ROR1: variants seen among roughly 807,000 people sequenced by gnomAD.
ROR1 encodes inactive tyrosine-protein kinase transmembrane receptor ROR1.
ROR1 carries 19 observed loss-of-function variants against 78.8 expected under a neutral mutation model. The ratio of observed to expected loss-of-function variants is 0.24; its 90% CI spans 0.17 to 0.35. ROR1 has a LOEUF of 0.35. ROR1 is among the 10% of genes least tolerant of loss of function. The pLI is 1.00. For missense variants in ROR1, 917 were observed against 1,177.8 expected (o/e 0.78, Z 3.24); for synonymous variants, 386 against 433.6 (o/e 0.89, Z 1.36).
At chr1:63,921,523 T>TTAAAC (rs1645654141) in intron 1 of ROR1, among the ~76,000 whole-genome samples, 4 of 151,476 alleles carry the variant, frequency 2.6e-5, no homozygotes, top group African/African-American at 9.8e-5. Context: ...ATCATTATGG[T>TTAAAC]TGTTGTCGCT....
chr1:64,160,377 T>C (rs1037173950), intron 8 of ROR1, among the ~76,000 whole-genome samples: 5 of 152,098 alleles, frequency 3.3e-5, no homozygotes, highest in East Asian at 1.9e-4. Context: ...GGATTTGGAA[T>C]TCCTTAAATG....
chr1:64,073,196 G>A (rs1158677958), intron 4 of ROR1, among the ~76,000 whole-genome samples: 2 of 152,148 alleles, frequency 1.3e-5, no homozygotes, highest in Non-Finnish European at 2.9e-5. Flanking sequence ...TTTGTAAGGT[G>A]TGTGAAGGTA....
At chr1:64,044,457 C>T (rs1646768727) in intron 2 of ROR1, among the ~76,000 whole-genome samples, 1 of 152,108 alleles carries the variant, frequency 6.6e-6, no homozygotes, top group Non-Finnish European at 1.5e-5. Flanking sequence ...CTGTACATTC[C>T]ACTGCCATAT....
intron 1 of ROR1, among the ~76,000 whole-genome samples, chr1:63,993,519 G>A (rs575360890): frequency 2.4e-4 from 36 of 152,272 alleles, no homozygotes; most frequent in African/African-American, 8.4e-4. Flanking sequence ...ACATGTAAGA[G>A]TATGCATACA....
chr1:64,034,014 T>A lies in ROR1; in HGVS notation c.164-15677T>A, dbSNP rs528259706. The stretch of plus-strand genomic sequence containing the variant: ...ATTCACTGTTATCTCTAAATGTTAG[T>A]TACGTCATTCAGGCAGCTGGAGCAG... On this transcript the variant is annotated intron_variant, in intron 2 of 8. Transcript: ENST00000371079. 3.5e-4 allele frequency among the ~76,000 whole-genome samples: 53 copies of A among 152,280 alleles called. 1 individual carries two copies. In the South Asian group the frequency reaches 0.011, roughly 31 times the overall value.
At chr1:63,879,092 C>G (rs1328624066) in intron 1 of ROR1, among the ~76,000 whole-genome samples, 1 of 152,048 alleles carries the variant, frequency 6.6e-6, no homozygotes, top group African/African-American at 2.4e-5. Context: ...TGAGTCAGAT[C>G]TTACAGCTGA....
intron 1 of ROR1, among the ~76,000 whole-genome samples, chr1:64,004,508 A>G (rs1288525472): frequency 1.3e-5 from 2 of 152,224 alleles, no homozygotes; most frequent in Admixed American, 1.3e-4. Flanking sequence ...CAAGAAAGGC[A>G]GTGGGGTAGC....
intron 1 of ROR1, among the ~76,000 whole-genome samples, chr1:63,874,142 G>A (rs543496793): frequency 1.3e-5 from 2 of 152,294 alleles, no homozygotes; most frequent in South Asian, 4.1e-4. Flanking sequence ...ATAAATTAAT[G>A]AGAGAGGAAC....
chr1:64,120,937 A>T (rs1180545584), intron 4 of ROR1, among the ~76,000 whole-genome samples: 1 of 151,994 alleles, frequency 6.6e-6, no homozygotes, highest in Non-Finnish European at 1.5e-5. Flanking sequence ...CAGTGTTCAC[A>T]TTAACATCCA....
chr1:64,162,382 C>T (rs1370721556), intron 8 of ROR1, among the ~76,000 whole-genome samples: 2 of 152,204 alleles, frequency 1.3e-5, no homozygotes, highest in Non-Finnish European at 2.9e-5. Context: ...TGCCGACAGA[C>T]TGGCTGACGA....
At chr1:63,974,454 T>C (rs1426112024) in intron 1 of ROR1, among the ~76,000 whole-genome samples, 2 of 152,198 alleles carry the variant, frequency 1.3e-5, no homozygotes, top group Non-Finnish European at 2.9e-5. Flanking sequence ...TTTTTCATTG[T>C]TGTTGTTTTG....
intron 1 of ROR1, among the ~76,000 whole-genome samples, chr1:63,816,007 G>T (rs1361179239): frequency 6.6e-6 from 1 of 152,206 alleles, no homozygotes; most frequent in African/African-American, 2.4e-5. Context: ...TTGGAATCAT[G>T]CAGAACACAC....
intron 4 of ROR1, among the ~76,000 whole-genome samples, chr1:64,064,140 G>T (rs2100608968): frequency 6.6e-6 from 1 of 152,282 alleles, no homozygotes; most frequent in African/African-American, 2.4e-5. Flanking sequence ...GATGAAGTTT[G>T]CCAAAAAAGC....
At chr1:63,801,304 C>CT (rs1263741299) in intron 1 of ROR1, among the ~76,000 whole-genome samples, 3 of 151,676 alleles carry the variant, frequency 2.0e-5, no homozygotes, top group Admixed American at 1.3e-4. Flanking sequence ...TGTTTTTGGT[C>CT]TTTTTTTTGA....
At chr1:64,010,512 C>G (rs1430622601) in intron 2 of ROR1, among the ~76,000 whole-genome samples, 1 of 152,126 alleles carries the variant, frequency 6.6e-6, no homozygotes, top group African/African-American at 2.4e-5. Flanking sequence ...ATACATTCAG[C>G]AAACTTACTG....
intron 4 of ROR1, among the ~76,000 whole-genome samples, chr1:64,100,295 A>G (rs751931155): frequency 5.7e-4 from 86 of 152,178 alleles, no homozygotes; most frequent in Admixed American, 1.1e-3. Flanking sequence ...CAGCCTGGGC[A>G]ACATGGCAAG....
intron 4 of ROR1, among the ~76,000 whole-genome samples, chr1:64,116,304 G>C (rs907157755): frequency 1.3e-5 from 2 of 152,158 alleles, no homozygotes; most frequent in African/African-American, 4.8e-5. Context: ...TGAAAGGATG[G>C]GGCGGTGATT....
rs528731365 is a variant in ROR1 at position 64,126,749 on chromosome 1, T to A, written c.483-10620T>A. ...GTTCAGTCCCAGCATCATGCTTCAG[T>A]TAGGGAATGCCCTAGAGAAACTTGA... On this transcript the variant is annotated intron_variant, in intron 4 of 8. Transcript: ENST00000371079. 7.2e-5 allele frequency among the ~76,000 whole-genome samples: 11 copies of A among 152,282 alleles called. No individual in the cohort carries two copies. In the East Asian group the frequency reaches 2.1e-3, roughly 29 times the overall value.
rs1470214328 is a variant in ROR1 at position 64,178,068 on chromosome 1, G to T, written c.2027G>T (p.Trp676Leu). 6.2e-7 allele frequency: 1 copy of T among 1,614,094 alleles called. No homozygotes were observed. Residue 676 changes from tryptophan (W) to leucine (L), a missense_variant, in exon 9 of 9, where the codon TGG (tryptophan) becomes TTG (leucine). Trp to Leu is a moderately conservative substitution (Grantham distance 61). Around this residue, in one of 3 missense-constraint regions of ROR1, gnomAD observed 835 missense variants for 1,069.8 expected, o/e 0.78. Coordinates refer to ENST00000371079, the MANE Select transcript of ROR1 (RefSeq NM_005012.4). This position sits in a 1 kb window ranked among gnomAD's most constrained non-coding sequence, Gnocchi z 4.3. ...YGKFSSDSDI[W>L]SFGVVLWEIF... ...AAATTCTCTTCTGATTCAGATATCT[G>T]GTCCTTTGGGGTTGTCTTGTGGGAG...
Sources: allele counts gnomAD v4.1 joint callset (sites outside exome capture counted in the v4.1 genomes callset), GRCh38; gene constraint gnomAD v4.1.1; regional missense constraint gnomAD v4.1.1; non-coding constraint Gnocchi (gnomAD v3.1); transcripts MANE v1.5; gene names NCBI Gene and HGNC (gene_info 2026-07-23, HGNC 2026-07-21).